FHIT: variants seen among roughly 807,000 people sequenced by gnomAD.
FHIT encodes bis(5'-adenosyl)-triphosphatase.
FHIT carries 19 observed loss-of-function variants against 17.9 expected under a neutral mutation model. The ratio of observed to expected loss-of-function variants is 1.06; its 90% confidence interval spans 0.74 to 1.56. FHIT has a LOEUF of 1.56. Among genes scored for constraint, FHIT ranks in the 40% most tolerant of loss-of-function variants. FHIT has a pLI of 0.00. For synonymous variants in FHIT, 81 were observed against 69.7 expected (o/e 1.16, Z -0.81); for missense variants, 248 against 189.2 (o/e 1.31, Z -1.82).
intron 8 of FHIT, among the ~76,000 whole-genome samples, chr3:59,818,082 T>C (rs1293377190): frequency 6.6e-6 from 1 of 150,596 alleles, no homozygotes; most frequent in Non-Finnish European, 1.5e-5. Context: ...AGGAGAGCAC[T>C]GTATTAAGAG....
chr3:61,070,012 C>G (rs2034748752), intron 2 of FHIT, among the ~76,000 whole-genome samples: 1 of 152,146 alleles, frequency 6.6e-6, no homozygotes, highest in South Asian at 2.1e-4. Context: ...GCAGGTTCAG[C>G]TGATTCTCCT....
At chr3:59,837,641 A>G (rs1701386129) in intron 8 of FHIT, among the ~76,000 whole-genome samples, 1 of 152,198 alleles carries the variant, frequency 6.6e-6, no homozygotes, top group Non-Finnish European at 1.5e-5. Flanking sequence ...GGTTTTCTCT[A>G]TCAAATTGGG....
chr3:61,192,169 C>G (rs948428746), intron 2 of FHIT, among the ~76,000 whole-genome samples: 1 of 152,106 alleles, frequency 6.6e-6, no homozygotes, highest in African/African-American at 2.4e-5. Context: ...GGAAAAAGAG[C>G]AAGAAATAGA....
intron 4 of FHIT, among the ~76,000 whole-genome samples, chr3:60,618,366 C>CTT (rs2039015235): frequency 6.6e-6 from 1 of 152,114 alleles, no homozygotes; most frequent in East Asian, 1.9e-4. Context: ...ATTTGCTACA[C>CTT]AGATCATCCC....
At chr3:60,821,193 C>T (rs1462484982) in intron 4 of FHIT, among the ~76,000 whole-genome samples, 1 of 152,136 alleles carries the variant, frequency 6.6e-6, no homozygotes, top group Non-Finnish European at 1.5e-5. Context: ...CCAGGCTGGT[C>T]TCAAACTCCT....
chr3:60,449,378 C>T (rs901741463), intron 5 of FHIT, among the ~76,000 whole-genome samples: 1 of 151,760 alleles, frequency 6.6e-6, no homozygotes, highest in African/African-American at 2.4e-5. Flanking sequence ...ATAAAGGTAG[C>T]GTAAGTGAAA....
At chr3:59,983,514 G>C (rs1317138154) in intron 7 of FHIT, among the ~76,000 whole-genome samples, 5 of 152,048 alleles carry the variant, frequency 3.3e-5, no homozygotes, top group African/African-American at 9.7e-5. Context: ...ATCTCTTACT[G>C]TGTCTAATTT....
intron 5 of FHIT, among the ~76,000 whole-genome samples, chr3:60,159,995 A>G (rs1159188519): frequency 6.6e-6 from 1 of 152,198 alleles, no homozygotes; most frequent in African/African-American, 2.4e-5. Flanking sequence ...TTACGGACAT[A>G]GGATAAGACT....
chr3:60,103,234 T>C (rs1305711542), intron 5 of FHIT, among the ~76,000 whole-genome samples: 1 of 152,202 alleles, frequency 6.6e-6, no homozygotes, highest in Admixed American at 6.5e-5. Context: ...CATTGTATAT[T>C]GTAGGGGAGA....
chr3:60,834,624 G>A (rs1376275639), intron 3 of FHIT, among the ~76,000 whole-genome samples: 3 of 152,002 alleles, frequency 2.0e-5, no homozygotes, highest in Non-Finnish European at 2.9e-5. Context: ...TTGGGAGGCC[G>A]AGGAGGGTGG....
chr3:60,732,048 A>G, intron 4 of FHIT: 1 of 486,276 alleles, frequency 2.1e-6, no homozygotes, highest in East Asian at 3.7e-5. Flanking sequence ...CGACAATACA[A>G]AGATTCTAGG....
At chr3:59,816,515 T>C (rs1700605064) in intron 8 of FHIT, among the ~76,000 whole-genome samples, 2 of 152,200 alleles carry the variant, frequency 1.3e-5, no homozygotes, top group South Asian at 4.1e-4. Context: ...TGAGTCATGC[T>C]TACCTGTCAT....
At chr3:60,708,832 T>A (rs1340612627) in intron 4 of FHIT, among the ~76,000 whole-genome samples, 1 of 152,116 alleles carries the variant, frequency 6.6e-6, no homozygotes, top group African/African-American at 2.4e-5. Context: ...GATATTGGAA[T>A]GAAGTTCAAG....
At chr3:60,088,759 T>G (rs1703606199) in intron 5 of FHIT, among the ~76,000 whole-genome samples, 1 of 150,614 alleles carries the variant, frequency 6.6e-6, no homozygotes, top group African/African-American at 2.5e-5. Context: ...AGTTTAGCAT[T>G]TGCTGCATAT....
At chr3:60,671,003 C>G (rs1435593236) in intron 4 of FHIT, among the ~76,000 whole-genome samples, 1 of 152,110 alleles carries the variant, frequency 6.6e-6, no homozygotes, top group Non-Finnish European at 1.5e-5. Context: ...CTTCATTCAT[C>G]CAGCAAGATG....
chr3:60,374,587 C>T (rs1204303581), intron 5 of FHIT, among the ~76,000 whole-genome samples: 1 of 149,586 alleles, frequency 6.7e-6, no homozygotes, highest in Non-Finnish European at 1.5e-5. Context: ...GAAAGAAGCA[C>T]ACACACATAC....
At chr3:60,818,919 C>A (rs1553738444) in intron 4 of FHIT, among the ~76,000 whole-genome samples, 2 of 152,138 alleles carry the variant, frequency 1.3e-5, no homozygotes, top group African/African-American at 4.8e-5. Context: ...ATGGGAAACT[C>A]ACTCTGGACC....
chr3:60,268,528 A>T (rs1408969244), intron 5 of FHIT, among the ~76,000 whole-genome samples: 3 of 152,246 alleles, frequency 2.0e-5, no homozygotes, highest in African/African-American at 7.2e-5. Context: ...CTGGACATTT[A>T]TTGAGTAAGA....
intron 5 of FHIT, among the ~76,000 whole-genome samples, chr3:60,294,803 T>C (rs113638988): frequency 3.3e-5 from 5 of 152,264 alleles, no homozygotes; most frequent in African/African-American, 1.2e-4. Flanking sequence ...TATAACCTTT[T>C]GAAATTGGCT....
Sources: allele counts gnomAD v4.1 joint callset (sites outside exome capture counted in the v4.1 genomes callset), GRCh38; gene constraint gnomAD v4.1.1; transcripts MANE v1.5; gene names NCBI Gene and HGNC (gene_info 2026-07-23, HGNC 2026-07-21).